The following TMEM132D variants were observed in gnomAD, a reference collection of about 807,000 sequenced individuals.
TMEM132D encodes the protein transmembrane protein 132D, also known as mature OL transmembrane protein.
Under a neutral mutation model 62.3 loss-of-function variants are expected in TMEM132D, and 21 were observed. That is an observed-to-expected ratio of 0.34 (90% CI 0.24 to 0.49). The LOEUF (loss-of-function observed/expected upper bound fraction) is 0.49, where lower values mean the gene tolerates loss of function less well. Ranked by LOEUF, TMEM132D falls within the 20% of genes least tolerant of loss-of-function variation. The probability of loss-of-function intolerance (pLI) is 0.99; values close to 1 mark genes in which losing one functional copy is unlikely to be tolerated. For synonymous variants in TMEM132D, 621 were observed against 575.6 expected, an observed-to-expected ratio of 1.08 and a Z score of -1.13; for missense variants, 1,346 against 1,402.8, an observed-to-expected ratio of 0.96 and a Z score of 0.65.
At chr12:129,558,476 G>A (rs949523470) in intron 2 of TMEM132D, among the ~76,000 whole-genome samples, 2 of 152,142 alleles carry the variant, frequency 1.3e-5, no homozygotes, top group East Asian at 1.9e-4. Flanking sequence ...GGCTACAGGC[G>A]ACTAGATCAG....
intron 2 of TMEM132D, among the ~76,000 whole-genome samples, chr12:129,586,618 C>T (rs150624741): frequency 5.3e-5 from 8 of 152,274 alleles, no homozygotes; most frequent in South Asian, 2.1e-4. Flanking sequence ...TGAGCTACAC[C>T]GGGCACTAAT....
chr12:129,523,368 G>A (rs543487010), intron 3 of TMEM132D, among the ~76,000 whole-genome samples: 3 of 152,210 alleles, frequency 2.0e-5, no homozygotes, highest in African/African-American at 7.2e-5. Context: ...CTACAACCCC[G>A]GAGTGTATTG....
chr12:129,349,691 C>T (rs932688600), intron 3 of TMEM132D, among the ~76,000 whole-genome samples: 3 of 152,324 alleles, frequency 2.0e-5, no homozygotes, highest in African/African-American at 4.8e-5. Flanking sequence ...GTAGGTTATA[C>T]TCACATGCTC....
intron 1 of TMEM132D, among the ~76,000 whole-genome samples, chr12:129,771,824 T>C (rs1289936482): frequency 1.3e-5 from 2 of 152,234 alleles, no homozygotes; most frequent in Non-Finnish European, 2.9e-5. Context: ...CACATATACA[T>C]GCATGAAAGT....
chr12:129,102,821 G>A (rs1875357956), intron 5 of TMEM132D, among the ~76,000 whole-genome samples: 1 of 152,158 alleles, frequency 6.6e-6, no homozygotes, highest in Non-Finnish European at 1.5e-5. Flanking sequence ...CTTCATATTT[G>A]GCCCAAATGT....
intron 1 of TMEM132D, among the ~76,000 whole-genome samples, chr12:129,845,639 A>T (rs1214390503): frequency 6.6e-6 from 1 of 152,248 alleles, no homozygotes; most frequent in Non-Finnish European, 1.5e-5. Flanking sequence ...AATTAAAGTG[A>T]TTCTCAAAGC....
rs1182666578 is a variant in TMEM132D at position 129,802,189 on chromosome 12, G to A, written c.79+101072C>T. Among the ~76,000 whole-genome samples, 1,035 of 150,982 alleles carry A rather than the reference G, an allele frequency of 6.9e-3. 32 individuals carry two copies. The South Asian group carries it at 0.07, about 10-fold the overall frequency. On this transcript the variant is annotated intron_variant, in intron 1 of 8. Transcript: ENST00000422113. ...TTCAGACTCAGGAAATACAGAGAAC[G>A]CCACAAAGATACTCCTCGAGAAGAG... is the stretch of plus-strand genomic sequence containing the variant.
intron 3 of TMEM132D, among the ~76,000 whole-genome samples, chr12:129,462,633 A>T (rs1019537074): frequency 2.0e-5 from 3 of 152,218 alleles, no homozygotes; most frequent in East Asian, 3.8e-4. Flanking sequence ...ATAACTACCC[A>T]ATTAATTTCA....
chr12:129,343,407 C>G (rs569234538), intron 3 of TMEM132D, among the ~76,000 whole-genome samples: 40 of 149,876 alleles, frequency 2.7e-4, no homozygotes, highest in African/African-American at 8.6e-4. Context: ...AGAGGAACAT[C>G]ACACACTGGG....
chr12:129,848,250 T>C (rs998702340), intron 1 of TMEM132D, among the ~76,000 whole-genome samples: 1 of 152,170 alleles, frequency 6.6e-6, no homozygotes, highest in Non-Finnish European at 1.5e-5. Context: ...AAAAATCGTT[T>C]CCTAATGGTT....
chr12:129,393,625 C>T (rs754322698), intron 3 of TMEM132D, among the ~76,000 whole-genome samples: 19 of 152,180 alleles, frequency 1.2e-4, no homozygotes, highest in Admixed American at 3.3e-4. Flanking sequence ...ATAAGAACCA[C>T]TCTCTTTCAC....
chr12:129,548,078 A>G (rs1416166973), intron 2 of TMEM132D, among the ~76,000 whole-genome samples: 1 of 152,178 alleles, frequency 6.6e-6, no homozygotes, highest in Non-Finnish European at 1.5e-5. Flanking sequence ...GCTGATAGGA[A>G]TTTACACCTG....
intron 2 of TMEM132D, among the ~76,000 whole-genome samples, chr12:129,588,128 A>G (rs1392003134): frequency 6.6e-6 from 1 of 152,214 alleles, no homozygotes; most frequent in Non-Finnish European, 1.5e-5. Context: ...TTCTGTAAAA[A>G]TGCTTGTGAT....
At chr12:129,712,739 G>C (rs1593131055) in intron 1 of TMEM132D, among the ~76,000 whole-genome samples, 3 of 152,324 alleles carry the variant, frequency 2.0e-5, no homozygotes, top group Admixed American at 2.0e-4. Flanking sequence ...GGGCAGCATG[G>C]TGTCTGGAAG....
intron 3 of TMEM132D, among the ~76,000 whole-genome samples, chr12:129,521,024 A>T (rs180902129): frequency 6.6e-6 from 1 of 152,346 alleles, no homozygotes; most frequent in East Asian, 1.9e-4. Flanking sequence ...TGAGATTGAT[A>T]TTGACTTAAC....
intron 1 of TMEM132D, among the ~76,000 whole-genome samples, chr12:129,703,575 G>A (rs993162621): frequency 6.6e-6 from 1 of 151,668 alleles, no homozygotes. Context: ...AATGGTTACT[G>A]TCACTAAAGG....
chr12:129,381,311 A>T (rs1265984528), intron 3 of TMEM132D, among the ~76,000 whole-genome samples: 1 of 152,196 alleles, frequency 6.6e-6, no homozygotes, highest in Non-Finnish European at 1.5e-5. Flanking sequence ...AAGTTGCCAA[A>T]TAAAACCTAG....
At chr12:129,423,953 C>T (rs1317432347) in intron 3 of TMEM132D, among the ~76,000 whole-genome samples, 1 of 152,156 alleles carries the variant, frequency 6.6e-6, no homozygotes, top group Non-Finnish European at 1.5e-5. Context: ...GCCCAGGTAG[C>T]TTTGGCTGAG....
chr12:129,480,326 G>A (rs1030680139), intron 3 of TMEM132D, among the ~76,000 whole-genome samples: 3 of 152,244 alleles, frequency 2.0e-5, no homozygotes, highest in African/African-American at 7.2e-5. Flanking sequence ...AAAAGACTTT[G>A]GTGCTTACTT....
Sources: gnomAD v4.1 joint callset for allele counts (sites outside exome capture counted in the v4.1 genomes callset) on GRCh38, gnomAD v4.1.1 for gene constraint, MANE v1.5 for transcripts, NCBI Gene and HGNC (gene_info 2026-07-23, HGNC 2026-07-21) for gene names.